FKBP8: variants seen among roughly 807,000 people sequenced by gnomAD.
FKBP8 encodes FKBP prolyl isomerase 8, also known as peptidyl-prolyl cis-trans isomerase FKBP8.
A neutral mutation model predicts 41.7 loss-of-function variants in FKBP8; 5 were observed. That is an observed-to-expected ratio of 0.12 (90% confidence interval 0.06 to 0.25). FKBP8 has a LOEUF of 0.25. Ranked by LOEUF, FKBP8 falls within the 10% of genes least tolerant of loss-of-function variation. The pLI is 1.00. For synonymous variants in FKBP8, 279 were observed against 254.5 expected, an observed-to-expected ratio of 1.10 and a Z score of -0.92; for missense variants, 397 against 563.0, an observed-to-expected ratio of 0.71 and a Z score of 2.98.
In FKBP8 at chr19:18,538,596, C is replaced by CGCCT. The variant is rs1257456219; in HGVS notation, c.552-164_552-161dup. On this transcript the variant is annotated intron_variant, in intron 4 of 8. Transcript: ENST00000608443. The surrounding 1 kb of genome is among the most constrained non-coding windows in gnomAD (Gnocchi z 4.0). ...GTAAAGTGCAGGGGAAGTGACTTGC[C>CGCCT]GCCTTGGAGCTGCGGGACTTGACGA... is the stretch of plus-strand genomic sequence containing the variant. Among the ~76,000 whole-genome samples, 1 of 152,120 alleles carries CGCCT rather than the reference C, an allele frequency of 6.6e-6. No individual in the cohort carries two copies. Among genetic ancestry groups the CGCCT allele is most frequent in the Admixed American group, 6.6e-5 (1 of 15,248 alleles).
chr19:18,538,890 C>T lies in FKBP8; in HGVS notation c.552-454G>A, dbSNP rs1231641671. 2.1e-5 allele frequency among the ~76,000 whole-genome samples: 3 copies of T among 144,094 alleles called. No homozygotes were observed. The highest frequency in any genetic ancestry group is 7.9e-5 in the African/African-American group (3 of 38,174). 94.5% of individuals were successfully genotyped at this position (144,094 alleles called of 152,430 possible). ...AGTGCAGTGGTGCAATCTCGGTTCA[C>T]TGCAAGCTCCGCCTCCCGGGTTCAC... On this transcript the variant is annotated intron_variant, in intron 4 of 8. Coordinates refer to ENST00000608443, the MANE Select transcript of FKBP8 (RefSeq NM_012181.5). The surrounding 1 kb of genome is among the most constrained non-coding windows in gnomAD (Gnocchi z 4.0).
At chr19:18,534,667 A>C (rs1185806286) in intron 6 of FKBP8, among the ~76,000 whole-genome samples, 1 of 151,128 alleles carries the variant, frequency 6.6e-6, no homozygotes, top group Non-Finnish European at 1.5e-5. Context: ...CTGCAGCCTC[A>C]AACTCCTAGG....
At position 18,541,990 on chromosome 19, in the gene FKBP8, T is replaced by C. The variant is rs1453396824; in HGVS notation, c.-20A>G. ...TGCCATGCTGCTGGGGGGACAGGAATTGGCCCTGGAAGTGGGGGGCAGAGA... is the reference window on the plus strand; with the variant it reads ...TGCCATGCTGCTGGGGGGACAGGAACTGGCCCTGGAAGTGGGGGGCAGAGA... On this transcript the variant is annotated 5_prime_UTR_variant, in exon 2 of 9. Transcript: ENST00000608443. The C allele has an allele frequency of 1.2e-6, 2 of 1,608,422 alleles. No individual in the cohort carries two copies. The highest frequency in any genetic ancestry group is 2.2e-5 in the East Asian group (1 of 44,754).
rs1411566904 is a variant in FKBP8 at position 18,532,094 on chromosome 19, C to T, written c.*75G>A. On this transcript the variant is annotated 3_prime_UTR_variant, in exon 9 of 9. Transcript: ENST00000608443. ...GGGCCAGACCAGGGAGGGCAGTGGA[C>T]AGGGAGCCTGGGGGAGTTGGGGAGC... is the stretch of plus-strand genomic sequence containing the variant. The T allele has an allele frequency of 7.6e-7, 1 of 1,323,076 alleles. No homozygotes were observed. The highest frequency in any genetic ancestry group is 1.1e-6 in the Non-Finnish European group (1 of 941,136). 82.0% of individuals were successfully genotyped at this position (1,323,076 alleles called of 1,614,324 possible).
rs1976710648 is a variant in FKBP8, at chr19:18,541,865, C to T, written c.106G>A (p.Glu36Lys). Residue 36 changes from glutamate (E) to lysine (K), a missense_variant, in exon 2 of 9, where the codon GAG becomes AAG. Glu to Lys is a moderately conservative substitution (Grantham distance 56). Coordinates refer to ENST00000608443, the MANE Select transcript of FKBP8 (RefSeq NM_012181.5). ...TCCTCTTCCTCCTCCTCTTCCTCCTCACCCTCTGCATCCTCAACCCCATCC... is the reference window on the plus strand; with the variant it reads ...TCCTCTTCCTCCTCCTCTTCCTCCTTACCCTCTGCATCCTCAACCCCATCC... ...VLDGVEDAEG[E>K]EEEEEEEEEE... The T allele has an allele frequency of 1.2e-6, 2 of 1,613,526 alleles. No individual in the cohort carries two copies. The highest frequency in any genetic ancestry group is 1.7e-6 in the Non-Finnish European group (2 of 1,179,682).
chr19:18,533,565 C>T (rs1332968635), intron 6 of FKBP8, among the ~76,000 whole-genome samples: 3 of 152,112 alleles, frequency 2.0e-5, no homozygotes, highest in Non-Finnish European at 4.4e-5. Flanking sequence ...ATTAGCCAGG[C>T]GTGGTGGCAT....
chr19:18,533,655 G>C (rs547248175), intron 6 of FKBP8, among the ~76,000 whole-genome samples: 1 of 150,402 alleles, frequency 6.6e-6, no homozygotes, highest in African/African-American at 2.4e-5. Flanking sequence ...AGTGAGCCGA[G>C]ATCACACCAC....
At chr19:18,534,658 T>C (rs1419508171) in intron 6 of FKBP8, among the ~76,000 whole-genome samples, 3 of 152,090 alleles carry the variant, frequency 2.0e-5, no homozygotes, top group East Asian at 3.9e-4. Flanking sequence ...CATAGCTCAC[T>C]GCAGCCTCAA....
In FKBP8 at chr19:18,538,420, G is replaced by A. The variant is rs1211485653; in HGVS notation, c.568C>T (p.Pro190Ser). The change falls in exon 5 of 9, where the codon CCC becomes TCC. Residue 190 changes from proline (P) to serine (S), a missense_variant. Physicochemically the swap from Pro to Ser is moderately conservative, Grantham distance 74. Coordinates refer to ENST00000608443, the MANE Select transcript of FKBP8 (RefSeq NM_012181.5). This position sits in a 1 kb window ranked among gnomAD's most constrained non-coding sequence, Gnocchi z 4.0. ...GPQGSRSPYI[P>S]PHAALCLEVT... The stretch of plus-strand genomic sequence containing the variant: ...TCCAGGCACAGGGCCGCGTGCGGGG[G>A]GATGTATGGGCTCCTGCTAGTTGGG... The A allele has an allele frequency of 6.2e-7, 1 of 1,612,206 alleles. No individual in the cohort carries two copies. Among genetic ancestry groups the A allele is most frequent in the South Asian group, 1.1e-5 (1 of 90,972 alleles).
chr19:18,538,056 AGTCT>A lies in FKBP8; in HGVS notation c.772+156_772+159del. 1.3e-6 allele frequency: 1 copy of A among 797,038 alleles called. No homozygotes were observed. The highest frequency in any genetic ancestry group is 2.0e-6 in the Non-Finnish European group (1 of 498,344). 49.4% of individuals were successfully genotyped at this position (797,038 alleles called of 1,614,324 possible). A position where few individuals can be genotyped will look rare whatever the true frequency, so the allele number is the denominator to read the frequency against. On this transcript the variant is annotated intron_variant, in intron 5 of 8. Transcript: ENST00000608443. This position sits in a 1 kb window ranked among gnomAD's most constrained non-coding sequence, Gnocchi z 4.0. ...CTCCACTGGTCTGGGATATACCACGAGTCTGTAACAGGCCCTAGCTTAGGGGCAG... is the reference window on the plus strand; with the variant it reads ...CTCCACTGGTCTGGGATATACCACGAGTAACAGGCCCTAGCTTAGGGGCAG...
chr19:18,537,887 G>T lies in FKBP8; in HGVS notation c.773-114C>A. ...CCTCAGTTTCCCCAATTTTAACCCC[G>T]GACCAAGGGCCACGCTTTCCTGGGG... is the stretch of plus-strand genomic sequence containing the variant. On this transcript the variant is annotated intron_variant, in intron 5 of 8. Coordinates refer to ENST00000608443, the MANE Select transcript of FKBP8 (RefSeq NM_012181.5). The surrounding 1 kb of genome is among the most constrained non-coding windows in gnomAD (Gnocchi z 4.4). 2 of 1,174,604 alleles carry T rather than the reference G, an allele frequency of 1.7e-6. No homozygotes were observed. The highest frequency in any genetic ancestry group is 2.4e-6 in the Non-Finnish European group (2 of 838,972). 72.8% of individuals were successfully genotyped at this position (1,174,604 alleles called of 1,614,324 possible).
chr19:18,532,360 C>A (rs945143994), intron 8 of FKBP8, 105 bp from the exon 9 acceptor site: 1 of 1,149,396 alleles, frequency 8.7e-7, no homozygotes, highest in South Asian at 1.3e-5. Flanking sequence ...CAAATCATTG[C>A]CTGACTATGT....
Position 18,541,870 on chromosome 19 carries a change from T to A in FKBP8, c.101A>T (p.Glu34Val), listed in dbSNP as rs760028266. ...TTCCTCCTCCTCTTCCTCCTCACCC[T>A]CTGCATCCTCAACCCCATCCAGTAC... is the stretch of plus-strand genomic sequence containing the variant. ...FEVLDGVEDA[E>V]GEEEEEEEEE... Residue 34 changes from glutamate (E) to valine (V), a missense_variant, in exon 2 of 9, where the codon GAG becomes GTG. By Grantham distance (121) the Glu-to-Val change is moderately radical. Transcript: ENST00000608443. 3 of 1,613,720 alleles carry A rather than the reference T, an allele frequency of 1.9e-6. No homozygotes were observed. The highest frequency in any genetic ancestry group is 3.3e-5 in the Admixed American group (2 of 59,924).
rs149393037 is a variant in FKBP8, at chr19:18,539,604, C to T, written c.409G>A (p.Val137Met). The T allele has an allele frequency of 4.3e-6, 7 of 1,613,342 alleles. No individual in the cohort carries two copies. The highest frequency in any genetic ancestry group is 5.9e-6 in the Non-Finnish European group (7 of 1,180,034). ...AACACCAGCTCCGGCTCCTCCTGCA[C>T]CCGTGTGCCATTCTCCAGCGACGTC... is the stretch of plus-strand genomic sequence containing the variant. Reference protein sequence around the residue: ...LQTSLENGTRVQEEPELVFTL... With the variant: ...LQTSLENGTRMQEEPELVFTL... The change falls in exon 3 of 9, where the codon GTG becomes ATG. Residue 137 changes from valine to methionine, a missense_variant. By Grantham distance (21) the Val-to-Met change is conservative. This residue lies in a region of FKBP8 where 172 missense variants were observed against 196.2 expected (regional missense o/e 0.88). Transcript: ENST00000608443.
At chr19:18,540,823 G>A (rs909967721) in intron 2 of FKBP8, among the ~76,000 whole-genome samples, 2 of 150,632 alleles carry the variant, frequency 1.3e-5, no homozygotes, top group Admixed American at 1.3e-4. Flanking sequence ...AGTGAACTGA[G>A]ATCGCACCAC....
rs775413293 is a variant in FKBP8 at position 18,539,474 on chromosome 19, G to C, written c.463-15C>G. ...AGATCCAGGGCCTGGGGTGTGTGGGGATAGCCAGCTGTCAGGCAGACTCAG... is the reference window on the plus strand; with the variant it reads ...AGATCCAGGGCCTGGGGTGTGTGGGCATAGCCAGCTGTCAGGCAGACTCAG... On this transcript the variant is annotated splice_polypyrimidine_tract_variant and intron_variant, in intron 3 of 8. Transcript: ENST00000608443. The C allele has an allele frequency of 4.3e-6, 7 of 1,612,882 alleles. No homozygotes were observed. Among genetic ancestry groups the C allele is most frequent in the Non-Finnish European group, 5.9e-6 (7 of 1,179,546 alleles).
rs991596739 is a variant in FKBP8, at chr19:18,531,830, G to T, written c.*339C>A. On this transcript the variant is annotated 3_prime_UTR_variant, in exon 9 of 9. Transcript: ENST00000608443. ...CTGGACAGGGGGCGGCAGGCGGGGT[G>T]GGGGGCTGGCACTCAGGCGGGGACT... The T allele has an allele frequency of 2.1e-5, 6 of 292,454 alleles. No individual in the cohort carries two copies. Among genetic ancestry groups the T allele is most frequent in the African/African-American group, 6.4e-5 (3 of 47,218 alleles). 18.1% of individuals were successfully genotyped at this position (292,454 alleles called of 1,614,324 possible).
chr19:18,541,137 G>A (rs900880859), intron 2 of FKBP8, among the ~76,000 whole-genome samples: 2 of 151,812 alleles, frequency 1.3e-5, no homozygotes, highest in African/African-American at 4.8e-5. Flanking sequence ...GTATGTTGGG[G>A]GGAACATGTG....
At position 18,538,172 on chromosome 19, in the gene FKBP8, C is replaced by T; in HGVS notation, c.772+44G>A. ...CTGGAAGTTTCTGGCACGGAGTGGA[C>T]ACCTTTGCAGGGGAGATGGTGGAGA... On this transcript the variant is annotated intron_variant, in intron 5 of 8. Transcript: ENST00000608443. This position sits in a 1 kb window ranked among gnomAD's most constrained non-coding sequence, Gnocchi z 4.0. 1 of 1,551,376 alleles carries T rather than the reference C, an allele frequency of 6.4e-7. No individual in the cohort carries two copies. The highest frequency in any genetic ancestry group is 8.8e-7 in the Non-Finnish European group (1 of 1,139,698).
Sources: gnomAD v4.1 joint callset for allele counts (sites outside exome capture counted in the v4.1 genomes callset) on GRCh38, gnomAD v4.1.1 for gene constraint, gnomAD v4.1.1 regional missense constraint, Gnocchi (gnomAD v3.1) non-coding constraint, MANE v1.5 for transcripts, NCBI Gene and HGNC (gene_info 2026-07-23, HGNC 2026-07-21) for gene names.